Variants in PIK3C2G observed in about 807,000 individuals in gnomAD.
PIK3C2G encodes the protein phosphatidylinositol-4-phosphate 3-kinase catalytic subunit type 2 gamma.
A neutral mutation model predicts 181.1 loss-of-function variants in PIK3C2G; 168 were observed. The ratio of observed to expected loss-of-function variants is 0.93; its 90% CI spans 0.82 to 1.05. The LOEUF is 1.05. Ranked by LOEUF, PIK3C2G falls within the 50% of genes least tolerant of loss-of-function variation. The pLI, the probability that PIK3C2G is intolerant of heterozygous loss-of-function variation, is 0.00. For synonymous variants in PIK3C2G, 573 were observed against 592.2 expected (o/e 0.97, Z 0.47); for missense variants, 1,869 against 1,732.8 (o/e 1.08, Z -1.40).
At chr12:18,676,230 T>G in the PIK3C2G span, among the ~76,000 whole-genome samples, 6 of 152,260 alleles carry the variant, frequency 3.9e-5, no homozygotes, top group Admixed American at 6.5e-5. Flanking sequence ...TTGTTTGACC[T>G]TTAGGTCAAG....
At chr12:18,297,852 T>C (rs1045449375) in intron 5 of PIK3C2G, among the ~76,000 whole-genome samples, 2 of 152,054 alleles carry the variant, frequency 1.3e-5, no homozygotes, top group Non-Finnish European at 2.9e-5. Flanking sequence ...AATGACAGCA[T>C]TTCATTCTTT....
intron 18 of PIK3C2G, among the ~76,000 whole-genome samples, chr12:18,428,074 G>T (rs1362294611): frequency 2.0e-5 from 3 of 151,746 alleles, no homozygotes; most frequent in African/African-American, 7.3e-5. Context: ...ATCCTCTAAG[G>T]GGGGAGATTC....
chr12:18,696,337 T>C, the PIK3C2G span: 4 of 260,198 alleles, frequency 1.5e-5, no homozygotes, highest in African/African-American at 8.5e-5. Flanking sequence ...TATATATATA[T>C]ATATATATAT....
the PIK3C2G span, among the ~76,000 whole-genome samples, chr12:18,664,083 A>G: frequency 1.5e-4 from 23 of 152,208 alleles, no homozygotes; most frequent in African/African-American, 5.5e-4. Context: ...ACTATCAAAA[A>G]CCAAACCAGA....
At chr12:18,326,699 G>C (rs561356717) in intron 8 of PIK3C2G, among the ~76,000 whole-genome samples, 27 of 152,194 alleles carry the variant, frequency 1.8e-4, no homozygotes, top group African/African-American at 6.0e-4. Context: ...TCTCATAAAA[G>C]TGTTTTGGTT....
chr12:18,391,006 G>GAAA (rs1429287156), intron 14 of PIK3C2G, 116 bp from the exon 15 acceptor site: 36 of 665,010 alleles, frequency 5.4e-5, no homozygotes, highest in Non-Finnish European at 7.3e-5. Flanking sequence ...AAATAGCACA[G>GAAA]AAAAAATAGA....
At chr12:18,245,054 C>A (rs558849372), upstream of PIK3C2G, among the ~76,000 whole-genome samples, 1 of 152,090 alleles carries the variant, frequency 6.6e-6, no homozygotes, top group African/African-American at 2.4e-5. Context: ...TTGTGAAGAT[C>A]AAATGATAAA....
At chr12:18,562,559 C>T (rs1394625162) in intron 26 of PIK3C2G, 144 bp from the exon 27 acceptor site, 2 of 574,250 alleles carry the variant, frequency 3.5e-6, no homozygotes, top group Non-Finnish European at 6.2e-6. Flanking sequence ...ATACAAATAA[C>T]GTTTAATTGT....
chr12:18,351,378 C>A (rs1940201163), intron 11 of PIK3C2G, among the ~76,000 whole-genome samples: 1 of 151,862 alleles, frequency 6.6e-6, no homozygotes, highest in South Asian at 2.1e-4. Flanking sequence ...TTGTTTTGTC[C>A]AGCTTATAAA....
At chr12:18,722,466 T>C in the PIK3C2G span, among the ~76,000 whole-genome samples, 7 of 152,082 alleles carry the variant, frequency 4.6e-5, no homozygotes, top group African/African-American at 1.7e-4. Context: ...GTGTTAAACA[T>C]TGGTAGCCTA....
At chr12:18,589,943 G>C (rs933853938) in intron 29 of PIK3C2G, among the ~76,000 whole-genome samples, 2 of 151,810 alleles carry the variant, frequency 1.3e-5, no homozygotes, top group Admixed American at 1.3e-4. Flanking sequence ...GCTCTCTCCT[G>C]CCTGTACCCC....
At chr12:18,720,365 G>T in the PIK3C2G span, among the ~76,000 whole-genome samples, 4 of 151,506 alleles carry the variant, frequency 2.6e-5, no homozygotes, top group Non-Finnish European at 5.9e-5. Flanking sequence ...ACACATTTCT[G>T]TATGGTGCAT....
chr12:18,352,595 C>A (rs1940322432), intron 11 of PIK3C2G, among the ~76,000 whole-genome samples: 1 of 152,220 alleles, frequency 6.6e-6, no homozygotes. Context: ...TGTTTAACAG[C>A]TCAGTGTGAC....
At chr12:18,468,227 TG>T (rs1207749067) in intron 18 of PIK3C2G, among the ~76,000 whole-genome samples, 1 of 152,066 alleles carries the variant, frequency 6.6e-6, no homozygotes, top group East Asian at 1.9e-4. Context: ...GCAATTTTTT[TG>T]TTTACTCTCA....
At chr12:18,321,059 A>C in intron 7 of PIK3C2G, 27 bp downstream of exon 7, 2 of 1,193,150 alleles carry the variant, frequency 1.7e-6, no homozygotes, top group Non-Finnish European at 2.4e-6. Context: ...TTGTTCCAAG[A>C]CTACTTTCTG....
chr12:18,320,565 G>T (rs552470074), intron 6 of PIK3C2G, among the ~76,000 whole-genome samples: 1 of 152,314 alleles, frequency 6.6e-6, no homozygotes, highest in African/African-American at 2.4e-5. Flanking sequence ...TTATGTGTCT[G>T]CCCGCCCATC....
intron 16 of PIK3C2G, among the ~76,000 whole-genome samples, chr12:18,417,918 C>G (rs1484764725): frequency 1.3e-5 from 2 of 151,988 alleles, no homozygotes; most frequent in Admixed American, 1.3e-4. Flanking sequence ...AAAAAAAGAT[C>G]TGGAATTTAT....
the PIK3C2G span, chr12:18,723,640 A>C: frequency 1.1e-6 from 1 of 942,862 alleles, no homozygotes; most frequent in South Asian, 1.5e-5. Context: ...TTTATACTTG[A>C]AAGAAGATGA....
the PIK3C2G span, among the ~76,000 whole-genome samples, chr12:18,661,840 T>C: frequency 2.8e-4 from 42 of 152,156 alleles, no homozygotes; most frequent in African/African-American, 9.9e-4. Flanking sequence ...ATATTCACAA[T>C]AGCAAAGACA....
Sources: gnomAD v4.1 joint callset for allele counts (sites outside exome capture counted in the v4.1 genomes callset) on GRCh38, gnomAD v4.1.1 for gene constraint, MANE v1.5 for transcripts, NCBI Gene and HGNC (gene_info 2026-07-23, HGNC 2026-07-21) for gene names.